NTM: variants seen among roughly 807,000 people sequenced by gnomAD.
The protein encoded by NTM is IgLON family member 2.
A neutral mutation model predicts 42.1 loss-of-function variants in NTM; 13 were observed. The observed-to-expected ratio is 0.31, with a 90% CI of 0.20 to 0.49. The LOEUF (loss-of-function observed/expected upper bound fraction) is 0.49. Ranked by LOEUF, NTM falls within the 20% of genes least tolerant of loss-of-function variation. The pLI is 0.99. For synonymous variants in NTM, 187 were observed against 179.2 expected (o/e 1.04, Z -0.35); for missense variants, 373 against 452.8 (o/e 0.82, Z 1.60).
chr11:131,725,735 A>G (rs528546494), intron 1 of NTM, among the ~76,000 whole-genome samples: 1 of 152,294 alleles, frequency 6.6e-6, no homozygotes, highest in African/African-American at 2.4e-5. Context: ...CTTCGTTAGG[A>G]GTGAGATGGG....
chr11:131,929,795 T>A (rs556095949), intron 2 of NTM, among the ~76,000 whole-genome samples: 1 of 152,268 alleles, frequency 6.6e-6, no homozygotes, highest in Admixed American at 6.5e-5. Flanking sequence ...CCTGGGTGAA[T>A]AAACACCAGG....
intron 2 of NTM, among the ~76,000 whole-genome samples, chr11:132,044,100 A>C: frequency 6.8e-6 from 1 of 146,048 alleles, no homozygotes; most frequent in East Asian, 2.0e-4. Context: ...GTGTGTATGT[A>C]TATGTGTGTA....
intron 1 of NTM, among the ~76,000 whole-genome samples, chr11:131,633,690 TCTCCCTCCCTCTCTCCTTCTCTCC>T (rs2063956073): frequency 9.3e-6 from 1 of 107,612 alleles, no homozygotes; most frequent in African/African-American, 3.9e-5. Flanking sequence ...TCTCTCTCTC[TCTCCCTCCCTCTCTCCTTCTCTCC>T]CTCCCTCTCT....
chr11:131,633,788 T>TCTCTCTCTCTCA (rs141539738), intron 1 of NTM, among the ~76,000 whole-genome samples: 1 of 55,086 alleles, frequency 1.8e-5, no homozygotes, highest in East Asian at 7.4e-4. Flanking sequence ...TCTCTCTCTC[T>TCTCTCTCTCTCA]CACACACACA....
At chr11:132,134,069 A>G (rs931691829) in intron 2 of NTM, among the ~76,000 whole-genome samples, 2 of 152,158 alleles carry the variant, frequency 1.3e-5, no homozygotes, top group Non-Finnish European at 2.9e-5. Flanking sequence ...GACTATAGGC[A>G]CATGCCACCC....
chr11:132,263,621 A>T lies in NTM; in HGVS notation c.527-44068A>T, dbSNP rs78389100. ...TCCTTTTTTTTTCCTGAACAATTCC[A>T]TCTTCAATTCATTTCCCTTTCTCAC... On this transcript the variant is annotated intron_variant, in intron 4 of 8. Transcript: ENST00000683400. Among the ~76,000 whole-genome samples, 288 of 151,916 alleles carry T rather than the reference A, an allele frequency of 1.9e-3. 4 individuals are homozygous for T. The East Asian group carries it at 0.051, about 27-fold the overall frequency.
rs1044023636 is a variant in NTM at position 131,605,742 on chromosome 11, C to T, written c.82+234854C>T. The T allele has an allele frequency of 4.6e-5, 44 of 963,304 alleles. No individual in the cohort carries two copies. In the East Asian group the frequency reaches 2.4e-3, roughly 53 times the overall value. The allele number at this position is 963,304 out of a possible 1,614,324, so 59.7% of individuals were successfully genotyped here. A position where few individuals can be genotyped will look rare whatever the true frequency, so the allele number is the denominator to read the frequency against. On this transcript the variant is annotated intron_variant, in intron 1 of 8. Coordinates refer to ENST00000683400, the MANE Select transcript of NTM (RefSeq NM_001352005.2). ...TTCCTAGCTTGTTGAGTGTTTGTAT[C>T]ATTTAAAGTTTGAAAAAAATAAATA...
At chr11:131,462,380 T>G (rs1167208348) in intron 1 of NTM, among the ~76,000 whole-genome samples, 2 of 152,228 alleles carry the variant, frequency 1.3e-5, no homozygotes, top group Non-Finnish European at 2.9e-5. Flanking sequence ...ATGGTGACTT[T>G]TACTGGATGT....
intron 4 of NTM, among the ~76,000 whole-genome samples, chr11:132,258,966 T>TTCCATAAGTTTCCTATTTGTG (rs1372746691): frequency 1.2e-4 from 19 of 152,340 alleles, no homozygotes; most frequent in Admixed American, 7.8e-4. Flanking sequence ...CTGTGTTTAA[T>TTCCATAAGTTTCCTATTTGTG]TCCATAAGTT....
At chr11:131,754,068 T>A (rs1266664635) in intron 1 of NTM, among the ~76,000 whole-genome samples, 29 of 129,440 alleles carry the variant, frequency 2.2e-4, no homozygotes, top group African/African-American at 7.5e-4. Flanking sequence ...CACTCATAGG[T>A]GGGAATTGAA....
Position 132,227,185 on chromosome 11 carries a change from T to C in NTM, c.526+15038T>C, listed in dbSNP as rs150193824. Among the ~76,000 whole-genome samples the C allele has an allele frequency of 5.9e-5, 9 of 152,132 alleles. No homozygotes were observed. In the East Asian group the frequency reaches 1.4e-3, roughly 23 times the overall value. On this transcript the variant is annotated intron_variant, in intron 4 of 8. Transcript: ENST00000683400. The stretch of plus-strand genomic sequence containing the variant: ...GAAAAGGATGATCCAGCAAAGACAA[T>C]TGGGAGATGAGAAGGAAATCTCAAA...
rs116359544 is a variant in NTM at position 132,135,387 on chromosome 11, G to A, written c.168-10895G>A. Among the ~76,000 whole-genome samples, 472 of 152,356 alleles carry A rather than the reference G, an allele frequency of 3.1e-3. 2 individuals carry two copies. Among genetic ancestry groups the A allele is most frequent in the African/African-American group, 0.01 (424 of 41,576 alleles). On this transcript the variant is annotated intron_variant, in intron 2 of 8. Coordinates refer to ENST00000683400, the MANE Select transcript of NTM (RefSeq NM_001352005.2). The stretch of plus-strand genomic sequence containing the variant: ...TTCCTTCTGATCACAAAGCATTTGT[G>A]AGATTTACACATAAGATTGCCTTTG...
At chr11:132,309,987 C>A in intron 5 of NTM, 125 bp from the exon 6 acceptor site, 1 of 1,173,952 alleles carries the variant, frequency 8.5e-7, no homozygotes, top group Non-Finnish European at 1.1e-6. Flanking sequence ...ACCCGGGAGG[C>A]AGAACGTGCA....
chr11:132,275,988 C>T (rs1415561567), intron 4 of NTM, among the ~76,000 whole-genome samples: 2 of 151,848 alleles, frequency 1.3e-5, no homozygotes, highest in East Asian at 3.9e-4. Context: ...CCCATCCTCG[C>T]CTCCTGCTTC....
chr11:131,389,315 T>C (rs1339574798), intron 1 of NTM, among the ~76,000 whole-genome samples: 1 of 152,196 alleles, frequency 6.6e-6, no homozygotes, highest in Non-Finnish European at 1.5e-5. Context: ...AATGACAAGC[T>C]TCCTAATGAG....
At chr11:131,955,912 C>T (rs189352268) in intron 2 of NTM, among the ~76,000 whole-genome samples, 2 of 152,200 alleles carry the variant, frequency 1.3e-5, no homozygotes, top group African/African-American at 4.8e-5. Context: ...CAAAGCAGCC[C>T]CTGGAGCCTG....
chr11:132,236,069 G>A (rs150385450), intron 4 of NTM, among the ~76,000 whole-genome samples: 1 of 151,814 alleles, frequency 6.6e-6, no homozygotes. Flanking sequence ...GAGCCAAATG[G>A]CTGTTTGCAA....
At chr11:131,845,412 C>G (rs1325039262) in intron 1 of NTM, among the ~76,000 whole-genome samples, 1 of 152,092 alleles carries the variant, frequency 6.6e-6, no homozygotes, top group Non-Finnish European at 1.5e-5. Flanking sequence ...TACCAGCACT[C>G]TACATTGTTG....
At chr11:132,280,306 C>T (rs2093919313) in intron 4 of NTM, among the ~76,000 whole-genome samples, 1 of 151,990 alleles carries the variant, frequency 6.6e-6, no homozygotes. Flanking sequence ...ATCCCCCACC[C>T]GAAATAGTAA....
Sources: gnomAD v4.1 joint callset for allele counts (sites outside exome capture counted in the v4.1 genomes callset) on GRCh38, gnomAD v4.1.1 for gene constraint, MANE v1.5 for transcripts, NCBI Gene and HGNC (gene_info 2026-07-23, HGNC 2026-07-21) for gene names.